Variants in DNAI3 observed in about 807,000 individuals in gnomAD.
DNAI3 encodes the protein dynein axonemal intermediate chain 3.
DNAI3 carries 83 observed loss-of-function variants against 115.5 expected under a neutral mutation model. The observed-to-expected ratio is 0.72, with a 90% CI of 0.60 to 0.86. The LOEUF (loss-of-function observed/expected upper bound fraction) is 0.86. Among genes scored for constraint, DNAI3 ranks in the 40% least tolerant of loss-of-function variants. The pLI is 0.00. For missense variants in DNAI3, 1,004 were observed against 1,075.8 expected (o/e 0.93, Z 0.93); for synonymous variants, 320 against 347.0 (o/e 0.92, Z 0.86).
rs1241436391 is a variant in DNAI3 at position 85,085,969 on chromosome 1, G to GA, written c.684dup (p.Asp229ArgfsTer23). 6.2e-7 allele frequency: 1 copy of GA among 1,613,992 alleles called. No homozygotes were observed. Among genetic ancestry groups the GA allele is most frequent in the Non-Finnish European group, 8.5e-7 (1 of 1,180,014 alleles). On this transcript the variant is annotated frameshift_variant, in exon 7 of 23. Coordinates refer to ENST00000294664, the MANE Select transcript of DNAI3 (RefSeq NM_145172.5). LOFTEE classifies it high-confidence loss of function. Reference sequence around the variant, plus strand: ...TAAAAATTTTACCCTTAAACAACTTGAAAAAGATGTTGGCATGCAAGTAAT... The same window carrying GA: ...TAAAAATTTTACCCTTAAACAACTTGAAAAAAGATGTTGGCATGCAAGTAAT...
intron 1 of DNAI3, among the ~76,000 whole-genome samples, chr1:85,063,530 C>T (rs2100546763): frequency 6.6e-6 from 1 of 152,258 alleles, no homozygotes; most frequent in Admixed American, 6.5e-5. Context: ...GTGTATAGAC[C>T]ACCAGTGCAA....
Position 85,081,254 on chromosome 1 carries a change from T to G in DNAI3, c.124T>G (p.Leu42Val). The change falls in exon 4 of 23, where the codon TTA becomes GTA. Residue 42 changes from leucine (L) to valine (V), a missense_variant. Transcript: ENST00000294664. Reference protein sequence around the residue: ...ESMGHPEIYPLVLTTKTQEIF... With the variant: ...ESMGHPEIYPVVLTTKTQEIF... ...CCTAGGTCATCCAGAAATTTATCCT[T>G]TAGTATTAACCACCAAGACCCAAGA... 6.3e-7 allele frequency: 1 copy of G among 1,588,836 alleles called. No individual in the cohort carries two copies. The highest frequency in any genetic ancestry group is 8.5e-7 in the Non-Finnish European group (1 of 1,173,030).
Position 85,082,894 on chromosome 1 carries a change from C to A in DNAI3, c.390+490C>A, listed in dbSNP as rs956792366. Among the ~76,000 whole-genome samples the A allele has an allele frequency of 3.3e-5, 5 of 152,278 alleles. No homozygotes were observed. The South Asian group carries it at 1.0e-3, about 32-fold the overall frequency. ...ACAGTGAATCTGGAGTACCGCTTTC[C>A]TTGTTCTCTTCTTGCCGTCTCCACA... On this transcript the variant is annotated intron_variant, in intron 5 of 22. Coordinates refer to ENST00000294664, the MANE Select transcript of DNAI3 (RefSeq NM_145172.5).
chr1:85,114,285 T>G (rs967014392), intron 16 of DNAI3, among the ~76,000 whole-genome samples: 2 of 152,184 alleles, frequency 1.3e-5, no homozygotes, highest in Admixed American at 1.3e-4. Flanking sequence ...AGTGCTGGGA[T>G]TACAGGTATG....
At chr1:85,096,458 GTATA>G (rs200214106) in intron 11 of DNAI3, among the ~76,000 whole-genome samples, 6 of 146,506 alleles carry the variant, frequency 4.1e-5, no homozygotes, top group African/African-American at 1.5e-4. Flanking sequence ...ATATATGTGT[GTATA>G]TATATATATA....
rs1019776332 is a variant in DNAI3, at chr1:85,108,059, C to T, written c.1580C>T (p.Pro527Leu). The T allele has an allele frequency of 2.5e-6, 4 of 1,594,792 alleles. No individual in the cohort carries two copies. Among genetic ancestry groups the T allele is most frequent in the Non-Finnish European group, 3.4e-6 (4 of 1,172,974 alleles). Residue 527 changes from proline (P) to leucine (L), a missense_variant, in exon 15 of 23, where the codon CCA (proline) becomes CTA (leucine). Physicochemically the swap from Pro to Leu is moderately conservative, Grantham distance 98 (BLOSUM62 -3). Transcript: ENST00000294664. ...ACAATATGTTTTTGGGATATTAGAC[C>T]ACAGAAACCTTTAACCCCCCAAACA... is the stretch of plus-strand genomic sequence containing the variant. The part of the protein sequence containing the change: ...DCTICFWDIR[P>L]QKPLTPQTTE...
At chr1:85,121,680 A>C in intron 17 of DNAI3, 71 bp from the exon 18 acceptor site, 1 of 1,390,478 alleles carries the variant, frequency 7.2e-7, no homozygotes, top group Non-Finnish European at 1.0e-6. Flanking sequence ...AGTCAATCTT[A>C]GCACATGAGT....
intron 13 of DNAI3, among the ~76,000 whole-genome samples, chr1:85,101,727 CAAAAAAAAAAAAAA>C (rs72166976): frequency 1.4e-4 from 2 of 14,440 alleles, no homozygotes; most frequent in Admixed American, 2.8e-3. Flanking sequence ...GACTCCATCT[CAAAAAAAAAAAAAA>C]AAAAAAAAAA....
At chr1:85,100,983 G>A (rs1055354023) in intron 13 of DNAI3, among the ~76,000 whole-genome samples, 1 of 151,610 alleles carries the variant, frequency 6.6e-6, no homozygotes, top group South Asian at 2.1e-4. Context: ...TGGGGTGGGG[G>A]GAGGAGGGGG....
intron 22 of DNAI3, 189 bp downstream of exon 22, chr1:85,130,301 G>A: frequency 1.3e-6 from 1 of 758,684 alleles, no homozygotes; most frequent in Non-Finnish European, 2.0e-6. Flanking sequence ...GTGAGATTCT[G>A]TCCAATTTAA....
rs758315834 is a variant in DNAI3, at chr1:85,117,867, G to T, written c.1917+8G>T. ...TTCTTTGTGGGAACAGAGGTAAATT[G>T]GGATTATCTGCTTTTAAAATTAATA... On this transcript the variant is annotated splice_region_variant and intron_variant, in intron 17 of 22. Transcript: ENST00000294664. The T allele has an allele frequency of 1.7e-5, 28 of 1,609,522 alleles. No individual in the cohort carries two copies. The highest frequency in any genetic ancestry group is 2.3e-5 in the Non-Finnish European group (27 of 1,177,604).
chr1:85,096,512 TA>T (rs1441160058), intron 11 of DNAI3, among the ~76,000 whole-genome samples: 499 of 15,344 alleles, frequency 0.033, 1 homozygote, highest in South Asian at 0.049. Flanking sequence ...ATATAAAGAT[TA>T]TATATAAAGA....
At position 85,081,414 on chromosome 1, in the gene DNAI3, A is replaced by G; in HGVS notation, c.284A>G (p.Gln95Arg). 1 of 1,564,740 alleles carries G rather than the reference A, an allele frequency of 6.4e-7. No individual in the cohort carries two copies. The highest frequency in any genetic ancestry group is 1.2e-5 in the South Asian group (1 of 81,828). The change falls in exon 4 of 23, where the codon CAG (glutamine) becomes CGG (arginine). Residue 95 changes from glutamine (Q) to arginine (R), a missense_variant and splice_region_variant. Transcript: ENST00000294664. ...TTCCACCCAGTCAAAAAAATTGTCC[A>G]GGTAAGCACAATATCCCTATTTATT... ...SDFHPVKKIV[Q>R]EYPGNELLLV... is the part of the protein sequence containing the mutation.
At chr1:85,076,693 G>T (rs552726817) in intron 3 of DNAI3, among the ~76,000 whole-genome samples, 1 of 152,204 alleles carries the variant, frequency 6.6e-6, no homozygotes. Flanking sequence ...GAACAGCACG[G>T]GAAAGACCTG....
chr1:85,104,294 G>A (rs1288859467), intron 13 of DNAI3, among the ~76,000 whole-genome samples: 2 of 151,858 alleles, frequency 1.3e-5, no homozygotes, highest in Non-Finnish European at 1.5e-5. Context: ...CTAATTTTTT[G>A]TATTTTTAGT....
chr1:85,110,364 T>C (rs1655617940), intron 16 of DNAI3, among the ~76,000 whole-genome samples: 1 of 151,526 alleles, frequency 6.6e-6, no homozygotes, highest in Non-Finnish European at 1.5e-5. Flanking sequence ...GGCAGGAGAA[T>C]GGCGTGAACC....
At chr1:85,128,158 A>AGAAGG (rs1656205635) in intron 20 of DNAI3, among the ~76,000 whole-genome samples, 1 of 131,514 alleles carries the variant, frequency 7.6e-6, no homozygotes, top group African/African-American at 3.2e-5. Context: ...AAAGAAGAAG[A>AGAAGG]AGAAGGAGAA....
At chr1:85,084,163 G>GTATA (rs150894781) in intron 5 of DNAI3, among the ~76,000 whole-genome samples, 1,176 of 97,296 alleles carry the variant, frequency 0.012, 23 homozygotes, top group African/African-American at 0.04. Context: ...AGCAGTGTGT[G>GTATA]TATATATATA....
chr1:85,120,256 C>CCTGTGAATACAATTTCCAAATTAT, intron 17 of DNAI3, among the ~76,000 whole-genome samples: 1 of 152,306 alleles, frequency 6.6e-6, no homozygotes, highest in East Asian at 1.9e-4. Context: ...TTCAGGGAGG[C>CCTGTGAATACAATTTCCAAATTAT]ATCACTGGGA....
Sources: allele counts gnomAD v4.1 joint callset (sites outside exome capture counted in the v4.1 genomes callset), GRCh38; gene constraint gnomAD v4.1.1; transcripts MANE v1.5; gene names NCBI Gene and HGNC (gene_info 2026-07-23, HGNC 2026-07-21).